Variants in ANO10 observed in about 807,000 individuals in gnomAD.
ANO10 encodes the protein anoctamin 10.
Under a neutral mutation model 74.7 loss-of-function variants are expected in ANO10, and 77 were observed. The observed-to-expected ratio is 1.03, with a 90% CI of 0.86 to 1.25. The LOEUF (loss-of-function observed/expected upper bound fraction) is 1.25. Among genes scored for constraint, ANO10 ranks in the 50% most tolerant of loss-of-function variants. ANO10 has a pLI of 0.00. For synonymous variants in ANO10, 279 were observed against 284.9 expected, an observed-to-expected ratio of 0.98 and a Z score of 0.21; for missense variants, 721 against 778.1, an observed-to-expected ratio of 0.93 and a Z score of 0.87.
At chr3:43,669,882 C>T (rs1021052020) in intron 1 of ANO10, among the ~76,000 whole-genome samples, 18 of 151,954 alleles carry the variant, frequency 1.2e-4, no homozygotes, top group East Asian at 3.9e-4. Flanking sequence ...CCCGCCACCA[C>T]GCCTGGCTAA....
chr3:43,563,622 T>C (rs890673823), intron 8 of ANO10, among the ~76,000 whole-genome samples: 4 of 152,068 alleles, frequency 2.6e-5, no homozygotes, highest in African/African-American at 7.2e-5. Context: ...AACAGATGAA[T>C]AGATAAGGAA....
In ANO10 at chr3:43,480,494, C is replaced by CT. The variant is rs1201009958; in HGVS notation, c.1798-47768dup. On this transcript the variant is annotated intron_variant, in intron 11 of 12. Transcript: ENST00000292246. ...TCAGGGGTCAGGCTGGCATTAGGCT[C>CT]TCAACAGCAATGTTAGAGGCAATGG... 3.3e-5 allele frequency among the ~76,000 whole-genome samples: 5 copies of CT among 152,278 alleles called. No individual in the cohort carries two copies. In the East Asian group the frequency reaches 7.7e-4, roughly 24 times the overall value.
At chr3:43,372,718 T>C (rs1001692581) in intron 12 of ANO10, 9 of 810,404 alleles carry the variant, frequency 1.1e-5, no homozygotes, top group Non-Finnish European at 1.8e-5. Flanking sequence ...TCTTAAATGT[T>C]CTATCCTACC....
At chr3:43,473,264 T>C (rs1487598303) in intron 11 of ANO10, among the ~76,000 whole-genome samples, 6 of 152,180 alleles carry the variant, frequency 3.9e-5, no homozygotes, top group Non-Finnish European at 1.5e-5. Flanking sequence ...TGCCCAGTAT[T>C]GGATCTCTCA....
chr3:43,407,474 C>T (rs2092596654), intron 12 of ANO10, among the ~76,000 whole-genome samples: 1 of 152,208 alleles, frequency 6.6e-6, no homozygotes, highest in Admixed American at 6.5e-5. Context: ...ACAGGCAAGG[C>T]CTATCCCTTA....
chr3:43,626,692 C>T (rs2083495958), upstream of ANO10, among the ~76,000 whole-genome samples: 1 of 152,180 alleles, frequency 6.6e-6, no homozygotes, highest in African/African-American at 2.4e-5. Context: ...GATAGCTACA[C>T]ATTTTTCCAA....
At position 43,407,955 on chromosome 3, in the gene ANO10, A is replaced by C. The variant is rs1478831890; in HGVS notation, c.1914+24656T>G. On this transcript the variant is annotated intron_variant, in intron 12 of 12. Transcript: ENST00000292246. ...CTTGAGTCATGCAGAGCTGCTAAAA[A>C]ATTTTGAGCAGGACCATAACATTGA... Among the ~76,000 whole-genome samples the C allele has an allele frequency of 1.3e-5, 2 of 152,352 alleles. 1 individual carries two copies. The highest frequency in any genetic ancestry group is 4.1e-4 in the South Asian group (2 of 4,830).
chr3:43,455,820 CA>C (rs897425127), intron 11 of ANO10, among the ~76,000 whole-genome samples: 9 of 151,208 alleles, frequency 6.0e-5, no homozygotes, highest in Non-Finnish European at 1.3e-4. Flanking sequence ...GATTCTGACA[CA>C]AAGATGAATA....
At chr3:43,571,162 A>G (rs377702402) in intron 7 of ANO10, among the ~76,000 whole-genome samples, 82 of 150,394 alleles carry the variant, frequency 5.5e-4, no homozygotes, top group Middle Eastern at 3.4e-3. Context: ...TTAGAATGGC[A>G]ATCATTAAAA....
chr3:43,631,439 A>G (rs2083546323), intron 1 of ANO10, among the ~76,000 whole-genome samples: 1 of 152,226 alleles, frequency 6.6e-6, no homozygotes, highest in Non-Finnish European at 1.5e-5. Flanking sequence ...TCTAAGAGAA[A>G]GGAGGAATGC....
intron 2 of ANO10, among the ~76,000 whole-genome samples, chr3:43,603,858 G>T (rs774025658): frequency 1.3e-5 from 2 of 152,166 alleles, no homozygotes; most frequent in Non-Finnish European, 2.9e-5. Context: ...TTCCTACAAG[G>T]TGTGAATCTT....
At chr3:43,656,083 G>A (rs1399173000) in intron 1 of ANO10, among the ~76,000 whole-genome samples, 1 of 149,530 alleles carries the variant, frequency 6.7e-6, no homozygotes, top group East Asian at 2.0e-4. Context: ...ACAGGGTGCT[G>A]ATTGGTGTGT....
At chr3:43,581,858 C>T (rs555335934) in intron 4 of ANO10, among the ~76,000 whole-genome samples, 1 of 147,058 alleles carries the variant, frequency 6.8e-6, no homozygotes, top group African/African-American at 2.5e-5. Context: ...TCCAGGAGTT[C>T]AAGGCTACAG....
At chr3:43,393,376 T>C (rs557815903) in intron 12 of ANO10, among the ~76,000 whole-genome samples, 1 of 152,314 alleles carries the variant, frequency 6.6e-6, no homozygotes, top group African/African-American at 2.4e-5. Context: ...TTCTCTACAT[T>C]TTGACCACCT....
intron 1 of ANO10, among the ~76,000 whole-genome samples, chr3:43,606,882 T>A (rs2082590214): frequency 6.6e-6 from 1 of 152,078 alleles, no homozygotes; most frequent in African/African-American, 2.4e-5. Flanking sequence ...AACTAGACAA[T>A]ATACACCCAC....
chr3:43,488,898 T>C (rs1403939298), intron 11 of ANO10, among the ~76,000 whole-genome samples: 2 of 151,900 alleles, frequency 1.3e-5, no homozygotes, highest in Non-Finnish European at 2.9e-5. Flanking sequence ...TTATTCACAA[T>C]AGCAAAGACT....
chr3:43,489,749 CT>C lies in ANO10; in HGVS notation c.1798-57023del, dbSNP rs1465601616. ...TGGCAGAAAAAAATATTTCTCTTTT[CT>C]TTTCTTTGAGCTAGAAGACTAGTTT... On this transcript the variant is annotated intron_variant, in intron 11 of 12. Coordinates refer to ENST00000292246, the MANE Select transcript of ANO10 (RefSeq NM_018075.5). Among the ~76,000 whole-genome samples the C allele has an allele frequency of 3.3e-5, 5 of 152,154 alleles. No individual in the cohort carries two copies. The East Asian group carries it at 9.7e-4, about 29-fold the overall frequency.
At chr3:43,554,357 T>C (rs2149323958) in intron 10 of ANO10, among the ~76,000 whole-genome samples, 1 of 151,908 alleles carries the variant, frequency 6.6e-6, no homozygotes, top group South Asian at 2.1e-4. Flanking sequence ...GCATGCTGGC[T>C]AATTTTTGTA....
chr3:43,690,589 C>G (rs1489952689), intron 1 of ANO10: 1 of 199,792 alleles, frequency 5.0e-6, no homozygotes, highest in East Asian at 1.2e-4. Flanking sequence ...CGGACACTAG[C>G]TAGGCTCTTC....
Sources: allele counts gnomAD v4.1 joint callset (sites outside exome capture counted in the v4.1 genomes callset), GRCh38; gene constraint gnomAD v4.1.1; transcripts MANE v1.5; gene names NCBI Gene and HGNC (gene_info 2026-07-23, HGNC 2026-07-21).